EXOC5: variants seen among roughly 807,000 people sequenced by gnomAD.
EXOC5 encodes SEC10-like 1.
EXOC5 carries 17 observed loss-of-function variants against 90.8 expected under a neutral mutation model. That is an observed-to-expected ratio of 0.19 (90% CI 0.13 to 0.28). EXOC5 has a LOEUF of 0.28. EXOC5 is among the 10% of genes least tolerant of loss of function. EXOC5 has a pLI of 1.00. For synonymous variants in EXOC5, 260 were observed against 270.0 expected, an observed-to-expected ratio of 0.96 and a Z score of 0.36; for missense variants, 569 against 830.6, an observed-to-expected ratio of 0.69 and a Z score of 3.87.
intron 2 of EXOC5, 88 bp from the exon 3 acceptor site, chr14:57,246,946 A>G (rs1884049619): frequency 4.2e-6 from 3 of 721,534 alleles, no homozygotes; most frequent in Non-Finnish European, 4.4e-6. Flanking sequence ...TAGTCTTAAT[A>G]AGAAGAGTTC....
chr14:57,257,207 G>A lies in EXOC5; in HGVS notation c.28-9495C>T, dbSNP rs572723581. ...TAAAAGATTACTCATTGAGGTAGAG[G>A]TTTGCAGCCAGGACAACTTTGTGAA... is the stretch of plus-strand genomic sequence containing the variant. On this transcript the variant is annotated intron_variant, in intron 1 of 17. Coordinates refer to ENST00000621441, the MANE Select transcript of EXOC5 (RefSeq NM_006544.4). 2.4e-4 allele frequency among the ~76,000 whole-genome samples: 36 copies of A among 152,302 alleles called. 1 individual carries two copies. The South Asian group carries it at 7.5e-3, about 32-fold the overall frequency.
intron 12 of EXOC5, 151 bp downstream of exon 12, chr14:57,229,583 G>T: frequency 2.6e-6 from 1 of 386,030 alleles, no homozygotes. Flanking sequence ...GTATAAATGA[G>T]GATGTGCATA....
rs747342825 is a variant in EXOC5 at position 57,209,680 on chromosome 14, G to A, written c.1825C>T (p.Arg609Cys). 5 of 1,611,822 alleles carry A rather than the reference G, an allele frequency of 3.1e-6. No homozygotes were observed. Among genetic ancestry groups the A allele is most frequent in the Middle Eastern group, 1.7e-4 (1 of 6,054 alleles). The part of the protein sequence containing the change: ...VDTVLMELGV[R>C]FHRLIYEHLQ... ...TGCTCATAGATAAGTCGATGAAAAC[G>A]TACTCCAAGTTCCATCAAAACTGTA... Residue 609 changes from arginine (R) to cysteine (C), a missense_variant, in exon 17 of 18, where the codon CGT (arginine) becomes TGT (cysteine). Physicochemically the swap from Arg to Cys is radical, Grantham distance 180 (BLOSUM62 -3). Transcript: ENST00000621441.
rs774776575 is a variant in EXOC5, at chr14:57,247,610, T to C, written c.122+8A>G. On this transcript the variant is annotated splice_region_variant and intron_variant, in intron 2 of 17. Transcript: ENST00000621441. ...AGATCTGTGGGGAAAAAAATTTTTT[T>C]ATTTCACCTTTTAGGATCAAAAGCT... 6.7e-6 allele frequency: 10 copies of C among 1,500,854 alleles called. 1 individual carries two copies. In the South Asian group the frequency reaches 8.7e-5, roughly 13 times the overall value. 93.0% of individuals were successfully genotyped at this position (1,500,854 alleles called of 1,614,324 possible). A position where few individuals can be genotyped will look rare whatever the true frequency, so the allele number is the denominator to read the frequency against.
chr14:57,218,175 C>T, intron 14 of EXOC5, 107 bp from the exon 15 acceptor site: 1 of 556,928 alleles, frequency 1.8e-6, no homozygotes. Flanking sequence ...ATAAATATAT[C>T]CATATATACA....
intron 13 of EXOC5, 30 bp from the exon 14 acceptor site, chr14:57,219,472 A>C (rs970250373): frequency 1.0e-5 from 16 of 1,524,380 alleles, no homozygotes; most frequent in Admixed American, 2.4e-5. Flanking sequence ...ATATGTTAGA[A>C]TCATCCTTGA....
chr14:57,235,109 C>T (rs1353600013), intron 7 of EXOC5, among the ~76,000 whole-genome samples: 1 of 152,014 alleles, frequency 6.6e-6, no homozygotes, highest in Non-Finnish European at 1.5e-5. Flanking sequence ...CAGATTTTAC[C>T]AAAATGAAAA....
In EXOC5 at chr14:57,201,980, G is replaced by A. The variant is rs1042945861; in HGVS notation, c.*6629C>T. Reference sequence around the variant, plus strand: ...CAAAGGGAAAAGTAATAGTTTTAAAGTGGAGAAGCCTGGTAAATAGTACCT... The same window carrying A: ...CAAAGGGAAAAGTAATAGTTTTAAAATGGAGAAGCCTGGTAAATAGTACCT... On this transcript the variant is annotated 3_prime_UTR_variant, in exon 18 of 18. Transcript: ENST00000621441. 8 of 152,072 alleles carry A rather than the reference G, an allele frequency of 5.3e-5. No individual in the cohort carries two copies. The highest frequency in any genetic ancestry group is 1.2e-4 in the Non-Finnish European group (8 of 68,016). 9.4% of individuals were successfully genotyped at this position (152,072 alleles called of 1,614,324 possible).
At chr14:57,268,306 G>A (rs1427734013) in intron 1 of EXOC5, 5 of 567,706 alleles carry the variant, frequency 8.8e-6, no homozygotes, top group Non-Finnish European at 1.5e-5. Context: ...CTCATCCGGA[G>A]TAGACATCTT....
intron 15 of EXOC5, among the ~76,000 whole-genome samples, chr14:57,214,232 A>G (rs541836927): frequency 6.6e-6 from 1 of 152,252 alleles, no homozygotes; most frequent in African/African-American, 2.4e-5. Context: ...GGATTTGGAC[A>G]TGCACAGAAA....
intron 1 of EXOC5, among the ~76,000 whole-genome samples, chr14:57,263,917 C>T (rs777934220): frequency 6.6e-6 from 1 of 152,068 alleles, no homozygotes; most frequent in Non-Finnish European, 1.5e-5. Context: ...CCTTGGAATG[C>T]CCTTCTCCTG....
At chr14:57,239,683 A>G (rs1291205508) in intron 4 of EXOC5, 24 bp from the exon 5 acceptor site, 3 of 1,433,260 alleles carry the variant, frequency 2.1e-6, no homozygotes, top group Non-Finnish European at 2.8e-6. Context: ...AATAAAAGCA[A>G]TAATTTAAAA....
In EXOC5 at chr14:57,235,268, G is replaced by A. The variant is rs149298194; in HGVS notation, c.669+443C>T. 2.3e-4 allele frequency among the ~76,000 whole-genome samples: 35 copies of A among 152,060 alleles called. No individual in the cohort carries two copies. In the East Asian group the frequency reaches 6.6e-3, roughly 28 times the overall value. On this transcript the variant is annotated intron_variant, in intron 7 of 17. Transcript: ENST00000621441. ...GTTCAAATTCTAGGTAAACAATTCC[G>A]TAATACAAAATTCTTTTGTATTACC...
At chr14:57,259,092 T>G (rs1479383946) in intron 1 of EXOC5, among the ~76,000 whole-genome samples, 1 of 151,954 alleles carries the variant, frequency 6.6e-6, no homozygotes, top group Non-Finnish European at 1.5e-5. Context: ...CCTACTACAC[T>G]ATCAAATTCA....
At position 57,268,640 on chromosome 14, in the gene EXOC5, G is replaced by C; in HGVS notation, c.9C>G (p.Thr3=). The C allele has an allele frequency of 6.3e-7, 1 of 1,590,810 alleles. No homozygotes were observed. Among genetic ancestry groups the C allele is most frequent in the Non-Finnish European group, 8.5e-7 (1 of 1,174,816 alleles). ...GGCCCACCTCGAAGAGCTCGGCCGT[G>C]GTAGCCATCCCGGCCGGCTGAGAGG... MA[T]TAELFEEPFV... Residue 3 remains threonine, a synonymous_variant, in exon 1 of 18, where the codon ACC becomes ACG. Transcript: ENST00000621441.
chr14:57,231,293 G>A (rs1566730502), intron 11 of EXOC5, among the ~76,000 whole-genome samples: 1 of 152,076 alleles, frequency 6.6e-6, no homozygotes, highest in Non-Finnish European at 1.5e-5. Flanking sequence ...ACAGGAGTGA[G>A]TTACCACGCC....
At chr14:57,251,756 A>T (rs1287678884) in intron 1 of EXOC5, among the ~76,000 whole-genome samples, 1 of 152,028 alleles carries the variant, frequency 6.6e-6, no homozygotes, top group Non-Finnish European at 1.5e-5. Context: ...GAAAAAAATT[A>T]ATGAAACCAG....
At chr14:57,231,260 C>T (rs529960047) in intron 11 of EXOC5, among the ~76,000 whole-genome samples, 3 of 152,056 alleles carry the variant, frequency 2.0e-5, no homozygotes, top group South Asian at 2.1e-4. Context: ...CAGCCCATCT[C>T]GGCCTCCCAA....
At position 57,205,077 on chromosome 14, in the gene EXOC5, T is replaced by G. The variant is rs912728202; in HGVS notation, c.*3532A>C. 5 of 151,974 alleles carry G rather than the reference T, an allele frequency of 3.3e-5. No individual in the cohort carries two copies. Among genetic ancestry groups the G allele is most frequent in the Admixed American group, 1.3e-4 (2 of 15,248 alleles). The allele number at this position is 151,974 out of a possible 1,614,324, so 9.4% of individuals were successfully genotyped here. A position where few individuals can be genotyped will look rare whatever the true frequency, so the allele number is the denominator to read the frequency against. ...TGCATTAGGTTTTTCATCTGTCAAA[T>G]GGAAATAATAGTACCCAAATCCTAG... On this transcript the variant is annotated 3_prime_UTR_variant, in exon 18 of 18. Coordinates refer to ENST00000621441, the MANE Select transcript of EXOC5 (RefSeq NM_006544.4).
Sources: allele counts gnomAD v4.1 joint callset (sites outside exome capture counted in the v4.1 genomes callset), GRCh38; gene constraint gnomAD v4.1.1; transcripts MANE v1.5; gene names NCBI Gene and HGNC (gene_info 2026-07-23, HGNC 2026-07-21).